The following FRMPD4 variants were observed in gnomAD, a reference collection of about 807,000 sequenced individuals.
FRMPD4 encodes FERM and PDZ domain-containing protein 4.
In FRMPD4, 22 loss-of-function variants were observed where a neutral mutation model predicts 94.1. The ratio of observed to expected loss-of-function variants is 0.23; its 90% CI spans 0.17 to 0.33. FRMPD4 has a LOEUF of 0.33. FRMPD4 is among the 10% of genes least tolerant of loss of function. The pLI is 1.00. For missense variants in FRMPD4, 1,111 were observed against 1,339.9 expected, an observed-to-expected ratio of 0.83 and a Z score of 2.67; for synonymous variants, 631 against 548.6, an observed-to-expected ratio of 1.15 and a Z score of -2.10.
rs1213883922 is a variant in FRMPD4 at position 11,903,545 on chromosome X, T to G, written c.95+25527T>G. Reference sequence around the variant, plus strand: ...AAATTCCATATTTTAAATTCCATGCTTTATTTGTTTGAAGTCAAGACATTT... The same window carrying G: ...AAATTCCATATTTTAAATTCCATGCGTTATTTGTTTGAAGTCAAGACATTT... On this transcript the variant is annotated intron_variant, in intron 3 of 18. Transcript: ENST00000640291. 2.7e-5 allele frequency among the ~76,000 whole-genome samples: 3 copies of G among 111,199 alleles called. No homozygotes were observed. In the East Asian group the frequency reaches 8.5e-4, roughly 31 times the overall value.
At chrX:12,468,318 T>C (rs1488293805) in intron 1 of FRMPD4, among the ~76,000 whole-genome samples, 1 of 112,338 alleles carries the variant, frequency 8.9e-6, no homozygotes, top group Non-Finnish European at 1.9e-5. Context: ...GAACAAATTA[T>C]GGTTTTATAA....
intron 3 of FRMPD4, among the ~76,000 whole-genome samples, chrX:11,889,903 C>A (rs948977620): frequency 8.9e-6 from 1 of 111,757 alleles, no homozygotes; most frequent in Non-Finnish European, 1.9e-5. Context: ...GCCAAGAAGG[C>A]AAAAAATAAA....
chrX:11,833,837 C>T (rs976579911), intron 1 of FRMPD4, among the ~76,000 whole-genome samples: 4 of 111,432 alleles, frequency 3.6e-5, no homozygotes, highest in South Asian at 3.8e-4. Context: ...CACTGCAGAT[C>T]GGGCTCACTT....
chrX:12,139,057 G>A (rs746710388), intron 1 of FRMPD4, 45 bp downstream of exon 1: 2 of 1,030,610 alleles, frequency 1.9e-6, no homozygotes, highest in African/African-American at 1.9e-5. Flanking sequence ...CCGCTGCCGC[G>A]GGCAACTTGG....
intron 3 of FRMPD4, among the ~76,000 whole-genome samples, chrX:12,063,837 G>A (rs1248571053): frequency 8.9e-6 from 1 of 112,564 alleles, no homozygotes; most frequent in Non-Finnish European, 1.9e-5. Context: ...CATGTTATCT[G>A]TATCTCCTTA....
At chrX:12,311,356 A>G (rs2055028161) in intron 1 of FRMPD4, among the ~76,000 whole-genome samples, 1 of 112,443 alleles carries the variant, frequency 8.9e-6, no homozygotes, top group African/African-American at 3.2e-5. Flanking sequence ...AAATATTTAA[A>G]CTCCATAAAA....
At chrX:12,360,106 C>T (rs1384295730) in intron 1 of FRMPD4, among the ~76,000 whole-genome samples, 4 of 112,371 alleles carry the variant, frequency 3.6e-5, no homozygotes, top group African/African-American at 1.3e-4. Context: ...CCCTGGTAGG[C>T]TTATCAAGTT....
chrX:12,409,756 G>C (rs1174033310), intron 1 of FRMPD4, among the ~76,000 whole-genome samples: 2 of 111,942 alleles, frequency 1.8e-5, no homozygotes, highest in African/African-American at 6.5e-5. Context: ...TTTACTGAAG[G>C]AATTAGTCCA....
chrX:11,866,910 C>G (rs1312765179), intron 2 of FRMPD4, among the ~76,000 whole-genome samples: 2 of 111,086 alleles, frequency 1.8e-5, no homozygotes, highest in Admixed American at 1.9e-4. Flanking sequence ...GGATGTTAAT[C>G]CATATTTCAG....
chrX:12,279,227 C>T (rs1034781847), intron 1 of FRMPD4, among the ~76,000 whole-genome samples: 5 of 112,359 alleles, frequency 4.5e-5, no homozygotes, highest in Admixed American at 3.7e-4. Flanking sequence ...GTGCACCCAC[C>T]GTAACATTCA....
chrX:12,508,730 A>T (rs1282046843), intron 2 of FRMPD4, among the ~76,000 whole-genome samples: 2 of 111,135 alleles, frequency 1.8e-5, no homozygotes, highest in South Asian at 7.6e-4. Flanking sequence ...GTGGTGGCTC[A>T]CGCTTGTAAT....
intron 2 of FRMPD4, among the ~76,000 whole-genome samples, chrX:12,514,501 T>G (rs995756279): frequency 4.4e-5 from 5 of 112,407 alleles, no homozygotes; most frequent in Non-Finnish European, 9.4e-5. Context: ...TCAGTTTATG[T>G]GATGAATTAT....
intron 1 of FRMPD4, among the ~76,000 whole-genome samples, chrX:12,240,525 G>A (rs1461513179): frequency 9.0e-6 from 1 of 110,974 alleles, no homozygotes; most frequent in Non-Finnish European, 1.9e-5. Flanking sequence ...CTATGACTTC[G>A]TCTTATTTTA....
intron 1 of FRMPD4, among the ~76,000 whole-genome samples, chrX:12,463,555 T>C (rs1405153297): frequency 9.0e-6 from 1 of 111,483 alleles, no homozygotes; most frequent in Non-Finnish European, 1.9e-5. Context: ...TATCATTTTC[T>C]AGTAAGCATT....
chrX:12,363,128 T>G (rs1303703042), intron 1 of FRMPD4, among the ~76,000 whole-genome samples: 1 of 112,234 alleles, frequency 8.9e-6, no homozygotes, highest in Admixed American at 9.4e-5. Flanking sequence ...ATGGGTAGAA[T>G]GTAAAAATTT....
intron 3 of FRMPD4, among the ~76,000 whole-genome samples, chrX:12,067,060 C>T (rs1168128426): frequency 3.7e-5 from 4 of 109,013 alleles, no homozygotes; most frequent in Non-Finnish European, 7.6e-5. Context: ...TTTAGTGAGA[C>T]GGGGTTTCAC....
At chrX:12,666,739 C>G (rs1873017540) in intron 4 of FRMPD4, among the ~76,000 whole-genome samples, 1 of 111,654 alleles carries the variant, frequency 9.0e-6, no homozygotes, top group Non-Finnish European at 1.9e-5. Context: ...AGAACAAAGA[C>G]ACAAGACACA....
intron 3 of FRMPD4, among the ~76,000 whole-genome samples, chrX:12,133,182 G>C (rs1262595295): frequency 1.8e-5 from 2 of 109,812 alleles, no homozygotes; most frequent in African/African-American, 6.7e-5. Flanking sequence ...TAGCCAGTGG[G>C]AGGTAAAACC....
intron 3 of FRMPD4, among the ~76,000 whole-genome samples, chrX:12,071,176 C>T (rs902734333): frequency 9.0e-6 from 1 of 110,630 alleles, no homozygotes; most frequent in East Asian, 2.9e-4. Flanking sequence ...TTCCCTTTCC[C>T]CTTCCTCCTC....
Sources: allele counts gnomAD v4.1 joint callset (sites outside exome capture counted in the v4.1 genomes callset), GRCh38; gene constraint gnomAD v4.1.1; transcripts MANE v1.5; gene names NCBI Gene and HGNC (gene_info 2026-07-23, HGNC 2026-07-21).